Variants in OXR1 observed in about 807,000 individuals in gnomAD.
The protein encoded by OXR1 is oxidation resistance protein 1.
In OXR1, 41 loss-of-function variants were observed where a neutral mutation model predicts 104.6. The ratio of observed to expected loss-of-function variants is 0.39; its 90% CI spans 0.31 to 0.51. OXR1 has a LOEUF of 0.51. OXR1 is among the 20% of genes least tolerant of loss of function. The pLI, the probability that OXR1 is intolerant of heterozygous loss-of-function variation, is 0.77. For missense variants in OXR1, 955 were observed against 1,031.9 expected (o/e 0.93, Z 1.02); for synonymous variants, 348 against 348.4 (o/e 1.00, Z 0.01).
chr8:106,580,179 G>T (rs1168954521), intron 3 of OXR1, among the ~76,000 whole-genome samples: 1 of 152,146 alleles, frequency 6.6e-6, no homozygotes, highest in East Asian at 1.9e-4. Context: ...TCACATAATA[G>T]TAAAAGCCAT....
chr8:106,582,177 C>T (rs868750669), intron 3 of OXR1, among the ~76,000 whole-genome samples: 5 of 119,346 alleles, frequency 4.2e-5, no homozygotes, highest in African/African-American at 1.5e-4. Flanking sequence ...TTTCTATTGA[C>T]ATATATATAT....
intron 11 of OXR1, among the ~76,000 whole-genome samples, chr8:106,716,731 A>T (rs1395997677): frequency 1.3e-5 from 2 of 151,446 alleles, no homozygotes; most frequent in Non-Finnish European, 2.9e-5. Context: ...GTTTATACTG[A>T]TTAATATTGA....
rs534738581 is a variant in OXR1 at position 106,574,904 on chromosome 8, A to G, written c.220+55765A>G. Among the ~76,000 whole-genome samples, 31 of 152,376 alleles carry G rather than the reference A, an allele frequency of 2.0e-4. No homozygotes were observed. The East Asian group carries it at 2.5e-3, about 12-fold the overall frequency. ...GAAATACTAAAAATAAATAAAGAAG[A>G]TGACAATCAACTACAATTCCGTTAG... On this transcript the variant is annotated intron_variant, in intron 3 of 16. Transcript: ENST00000517566.
chr8:106,678,663 A>C (rs1444562958), intron 3 of OXR1, among the ~76,000 whole-genome samples: 2 of 152,016 alleles, frequency 1.3e-5, no homozygotes, highest in Non-Finnish European at 2.9e-5. Flanking sequence ...TTCAATCTGA[A>C]AGTAAATGTT....
At chr8:106,370,095 C>T (rs545501726) in intron 2 of OXR1, among the ~76,000 whole-genome samples, 3 of 152,192 alleles carry the variant, frequency 2.0e-5, no homozygotes, top group East Asian at 3.9e-4. Context: ...TTGTAGTTCT[C>T]CTTAAAGAGG....
intron 3 of OXR1, among the ~76,000 whole-genome samples, chr8:106,521,030 T>C (rs1813218409): frequency 6.6e-6 from 1 of 152,212 alleles, no homozygotes; most frequent in Admixed American, 6.5e-5. Context: ...AACAATTTGA[T>C]TCATAATCAA....
At chr8:106,523,584 A>C (rs924031069) in intron 3 of OXR1, among the ~76,000 whole-genome samples, 5 of 152,258 alleles carry the variant, frequency 3.3e-5, no homozygotes. Context: ...TCAACTCACT[A>C]AGTTTATTTC....
At chr8:106,341,270 T>A (rs10093478) in intron 1 of OXR1, among the ~76,000 whole-genome samples, 46,668 of 151,714 alleles carry the variant, frequency 0.31, 9,811 homozygotes, top group African/African-American at 0.6. Context: ...AAATATGATA[T>A]ACAAATTCAG....
At chr8:106,728,218 A>G (rs1457177016) in intron 11 of OXR1, among the ~76,000 whole-genome samples, 2 of 76,558 alleles carry the variant, frequency 2.6e-5, no homozygotes, top group South Asian at 3.9e-4. Flanking sequence ...TCTAAACTGG[A>G]AAAAAAAAAA....
chr8:106,284,201 C>T (rs1296670780), intron 1 of OXR1, among the ~76,000 whole-genome samples: 3 of 151,884 alleles, frequency 2.0e-5, no homozygotes, highest in Non-Finnish European at 2.9e-5. Flanking sequence ...CAAGCAGAGG[C>T]GGTCAGCAGG....
chr8:106,358,859 T>C (rs1050385359), intron 1 of OXR1, among the ~76,000 whole-genome samples: 2 of 152,114 alleles, frequency 1.3e-5, no homozygotes, highest in Non-Finnish European at 1.5e-5. Context: ...AATAATTTAA[T>C]TCACTAAATA....
At position 106,750,851 on chromosome 8, in the gene OXR1, A is replaced by T. The variant is rs142328848; in HGVS notation, c.2532A>T (p.Arg844Ser). The T allele has an allele frequency of 2.8e-5, 45 of 1,609,950 alleles. No individual in the cohort carries two copies. The highest frequency in any genetic ancestry group is 3.8e-5 in the Non-Finnish European group (45 of 1,177,084). Residue 844 changes from arginine (R) to serine (S), a missense_variant, in exon 17 of 17, where the codon AGA becomes AGT. Coordinates refer to ENST00000517566, the MANE Select transcript of OXR1 (RefSeq NM_001198533.2). Reference sequence around the variant, plus strand: ...TTGATGGAGATCTCTACCATGGAAGAAGCCATTCTTGTAAAACGTTTGGGA... The same window carrying T: ...TTGATGGAGATCTCTACCATGGAAGTAGCCATTCTTGTAAAACGTTTGGGA... ...LWLDGDLYHGRSHSCKTFGNR... is the reference protein window; with the variant it reads ...LWLDGDLYHGSSHSCKTFGNR...
At chr8:106,729,022 A>G (rs563476010) in intron 11 of OXR1, among the ~76,000 whole-genome samples, 2 of 152,278 alleles carry the variant, frequency 1.3e-5, no homozygotes, top group East Asian at 3.9e-4. Flanking sequence ...GATTTTTAGG[A>G]AGAGCTAATT....
At chr8:106,305,829 C>T (rs1055183568) in intron 1 of OXR1, among the ~76,000 whole-genome samples, 1 of 152,072 alleles carries the variant, frequency 6.6e-6, no homozygotes, top group Non-Finnish European at 1.5e-5. Context: ...TTTGTAACAT[C>T]TAACGAGGAT....
Position 106,359,526 on chromosome 8 carries a change from A to G in OXR1, c.-88A>G. On this transcript the variant is annotated 5_prime_UTR_variant, in exon 2 of 17. Transcript: ENST00000517566. ...GTGGTTTGTGCATCATTCCAGAAGCAAAGCTAAAATTTTTAGCGGTGTTGT... is the reference window on the plus strand; with the variant it reads ...GTGGTTTGTGCATCATTCCAGAAGCGAAGCTAAAATTTTTAGCGGTGTTGT... The G allele has an allele frequency of 1.0e-6, 1 of 974,162 alleles. No homozygotes were observed. Among genetic ancestry groups the G allele is most frequent in the Non-Finnish European group, 1.6e-6 (1 of 620,320 alleles). The allele number at this position is 974,162 out of a possible 1,614,324, so 60.3% of individuals were successfully genotyped here.
chr8:106,326,269 C>T (rs1586526349), intron 1 of OXR1, among the ~76,000 whole-genome samples: 3 of 152,250 alleles, frequency 2.0e-5, no homozygotes, highest in Non-Finnish European at 2.9e-5. Context: ...TAGTGTGTTG[C>T]GTAGAAAACA....
chr8:106,597,030 G>T (rs1201056380), intron 3 of OXR1, among the ~76,000 whole-genome samples: 1 of 151,858 alleles, frequency 6.6e-6, no homozygotes, highest in Non-Finnish European at 1.5e-5. Flanking sequence ...TCCAGCCTGG[G>T]GACAGAGCGA....
intron 11 of OXR1, among the ~76,000 whole-genome samples, chr8:106,716,861 T>C (rs1832312509): frequency 6.6e-6 from 1 of 152,178 alleles, no homozygotes; most frequent in South Asian, 2.1e-4. Flanking sequence ...ATATTGCTCT[T>C]GTGCAGTGCA....
At chr8:106,610,014 T>C (rs1423352438) in intron 3 of OXR1, among the ~76,000 whole-genome samples, 2 of 152,156 alleles carry the variant, frequency 1.3e-5, no homozygotes, top group African/African-American at 4.8e-5. Context: ...CCCAGAAGAT[T>C]ATCATAAACT....
Sources: gnomAD v4.1 joint callset for allele counts (sites outside exome capture counted in the v4.1 genomes callset) on GRCh38, gnomAD v4.1.1 for gene constraint, MANE v1.5 for transcripts, NCBI Gene and HGNC (gene_info 2026-07-23, HGNC 2026-07-21) for gene names.